GRIA4: variants seen among roughly 807,000 people sequenced by gnomAD.
GRIA4 encodes glutamate ionotropic receptor AMPA type subunit 4.
A neutral mutation model predicts 104.0 loss-of-function variants in GRIA4; 34 were observed. That is an observed-to-expected ratio of 0.33 (90% CI 0.25 to 0.44). The LOEUF is 0.44. GRIA4 is among the 20% of genes least tolerant of loss of function. GRIA4 has a pLI of 1.00. For synonymous variants in GRIA4, 386 were observed against 381.9 expected (o/e 1.01, Z -0.13); for missense variants, 750 against 1,096.5 (o/e 0.68, Z 4.46).
chr11:105,759,698 T>C (rs1940510984), intron 4 of GRIA4, among the ~76,000 whole-genome samples: 1 of 152,158 alleles, frequency 6.6e-6, no homozygotes, highest in Non-Finnish European at 1.5e-5. Context: ...GCTTTGCAAA[T>C]GTCATTCCTT....
At chr11:105,611,111 C>T in intron 2 of GRIA4, 26 bp downstream of exon 2, 2 of 1,528,010 alleles carry the variant, frequency 1.3e-6, no homozygotes, top group South Asian at 2.2e-5. Context: ...ATGGGGTGTG[C>T]ATGTGGCTGG....
intron 3 of GRIA4, among the ~76,000 whole-genome samples, chr11:105,659,178 C>T (rs1054685177): frequency 2.6e-5 from 4 of 151,904 alleles, no homozygotes; most frequent in Non-Finnish European, 4.4e-5. Context: ...GGGATTGTCA[C>T]CCAAATTTCA....
intron 3 of GRIA4, among the ~76,000 whole-genome samples, chr11:105,722,341 A>C (rs1375854126): frequency 6.6e-6 from 1 of 152,146 alleles, no homozygotes; most frequent in Non-Finnish European, 1.5e-5. Context: ...ATCTGGACTT[A>C]CAGTGGTACA....
intron 6 of GRIA4, among the ~76,000 whole-genome samples, chr11:105,897,191 G>A (rs1946681282): frequency 6.6e-6 from 1 of 151,968 alleles, no homozygotes; most frequent in Non-Finnish European, 1.5e-5. Context: ...ATATGATTGA[G>A]TTCTTGATTT....
At chr11:105,788,376 C>A (rs892483334) in intron 4 of GRIA4, among the ~76,000 whole-genome samples, 2 of 152,134 alleles carry the variant, frequency 1.3e-5, no homozygotes, top group African/African-American at 4.8e-5. Flanking sequence ...TTTCACCCAG[C>A]AATCCCACTA....
At chr11:105,693,959 C>T (rs1309546256) in intron 3 of GRIA4, among the ~76,000 whole-genome samples, 3 of 152,244 alleles carry the variant, frequency 2.0e-5, no homozygotes, top group East Asian at 3.9e-4. Flanking sequence ...TTTGCAAATT[C>T]ATGATCTACA....
intron 3 of GRIA4, among the ~76,000 whole-genome samples, chr11:105,703,134 C>T (rs1422410391): frequency 6.6e-6 from 1 of 152,096 alleles, no homozygotes; most frequent in Non-Finnish European, 1.5e-5. Context: ...AAGCACAAAA[C>T]TTATGAGCAA....
intron 11 of GRIA4, among the ~76,000 whole-genome samples, chr11:105,920,269 G>A (rs1947523152): frequency 6.6e-6 from 1 of 152,084 alleles, no homozygotes; most frequent in Non-Finnish European, 1.5e-5. Flanking sequence ...TTCATCGACT[G>A]TTTCATATTG....
intron 3 of GRIA4, among the ~76,000 whole-genome samples, chr11:105,692,154 CAAT>C (rs1203808876): frequency 1.3e-5 from 2 of 151,506 alleles, no homozygotes; most frequent in African/African-American, 4.9e-5. Context: ...GTGACGACAA[CAAT>C]GATGATAGAT....
intron 3 of GRIA4, among the ~76,000 whole-genome samples, chr11:105,701,213 A>T (rs1230589269): frequency 6.6e-6 from 1 of 152,142 alleles, no homozygotes; most frequent in African/African-American, 2.4e-5. Flanking sequence ...ACAGTGATGA[A>T]ATTGCTTGCT....
chr11:105,695,712 C>T (rs1191145466), intron 3 of GRIA4, among the ~76,000 whole-genome samples: 3 of 152,048 alleles, frequency 2.0e-5, no homozygotes, highest in Admixed American at 6.5e-5. Context: ...TTTTTGTTTG[C>T]TAAATGCCTG....
chr11:105,773,964 T>C (rs1012599027), intron 4 of GRIA4, among the ~76,000 whole-genome samples: 14 of 151,700 alleles, frequency 9.2e-5, no homozygotes, highest in Non-Finnish European at 1.5e-4. Flanking sequence ...GATTTGAATA[T>C]TATACCTAAT....
intron 4 of GRIA4, among the ~76,000 whole-genome samples, chr11:105,784,930 G>C (rs1325473354): frequency 1.3e-5 from 2 of 152,172 alleles, no homozygotes; most frequent in Non-Finnish European, 2.9e-5. Flanking sequence ...TAAGGCCCAG[G>C]AATCTGCAGT....
intron 14 of GRIA4, chr11:105,965,851 C>T (rs566426225): frequency 9.9e-4 from 848 of 860,452 alleles, no homozygotes; most frequent in Non-Finnish European, 1.4e-3. Flanking sequence ...GTTTATTTAG[C>T]GTCTGGGAGA....
chr11:105,743,712 T>G (rs964253926), intron 3 of GRIA4, among the ~76,000 whole-genome samples: 1 of 152,222 alleles, frequency 6.6e-6, no homozygotes, highest in African/African-American at 2.4e-5. Flanking sequence ...TATAAAACTG[T>G]ACTTCTCCCA....
At chr11:105,748,712 G>T (rs1939819576) in intron 3 of GRIA4, among the ~76,000 whole-genome samples, 1 of 152,126 alleles carries the variant, frequency 6.6e-6, no homozygotes, top group African/African-American at 2.4e-5. Flanking sequence ...TACTTTAATA[G>T]TCAAGGCAGT....
intron 4 of GRIA4, among the ~76,000 whole-genome samples, chr11:105,859,606 T>C (rs1241695200): frequency 6.6e-6 from 1 of 152,154 alleles, no homozygotes; most frequent in Non-Finnish European, 1.5e-5. Context: ...AGTCCTGACA[T>C]GAAGCCTGAC....
intron 4 of GRIA4, among the ~76,000 whole-genome samples, chr11:105,844,219 A>G (rs1023266130): frequency 6.6e-6 from 1 of 152,202 alleles, no homozygotes; most frequent in South Asian, 2.1e-4. Flanking sequence ...CTCCCCTTCC[A>G]ATTTCTATAA....
intron 3 of GRIA4, among the ~76,000 whole-genome samples, chr11:105,625,197 T>G (rs1950855417): frequency 6.6e-6 from 1 of 152,104 alleles, no homozygotes; most frequent in Admixed American, 6.6e-5. Context: ...GTGACTTCCG[T>G]GACAACGAGG....
Sources: allele counts gnomAD v4.1 joint callset (sites outside exome capture counted in the v4.1 genomes callset), GRCh38; gene constraint gnomAD v4.1.1; transcripts MANE v1.5; gene names NCBI Gene and HGNC (gene_info 2026-07-23, HGNC 2026-07-21).